CACNB2: variants seen among roughly 807,000 people sequenced by gnomAD.
CACNB2 encodes voltage-dependent L-type calcium channel subunit beta-2.
CACNB2 carries 42 observed loss-of-function variants against 73.3 expected under a neutral mutation model. That is an observed-to-expected ratio of 0.57 (90% CI 0.45 to 0.74). CACNB2 has a LOEUF of 0.74. Among genes scored for constraint, CACNB2 ranks in the 30% least tolerant of loss-of-function variants. CACNB2 has a pLI of 0.00. For synonymous variants in CACNB2, 348 were observed against 310.3 expected (o/e 1.12, Z -1.28); for missense variants, 940 against 853.0 (o/e 1.10, Z -1.27).
chr10:18,163,943 G>C (rs1564308069), intron 2 of CACNB2, among the ~76,000 whole-genome samples: 2 of 152,134 alleles, frequency 1.3e-5, no homozygotes, highest in Admixed American at 6.5e-5. Context: ...TTGTGGGAAG[G>C]GGAAGGGAGT....
At chr10:18,523,688 G>C (rs984021564) in intron 9 of CACNB2, among the ~76,000 whole-genome samples, 1 of 152,142 alleles carries the variant, frequency 6.6e-6, no homozygotes, top group Non-Finnish European at 1.5e-5. Flanking sequence ...TAGAGTAACT[G>C]AATTATTGAC....
At chr10:18,401,862 G>T in intron 2 of CACNB2, 62 bp from the exon 3 acceptor site, 2 of 1,576,360 alleles carry the variant, frequency 1.3e-6, no homozygotes, top group Non-Finnish European at 1.7e-6. Flanking sequence ...GTGTCGATGA[G>T]ACTTTTCCAA....
intron 3 of CACNB2, among the ~76,000 whole-genome samples, chr10:18,434,377 G>A (rs7897101): frequency 0.27 from 40,674 of 151,906 alleles, 6,121 homozygotes; most frequent in Middle Eastern, 0.39. Context: ...AGAGAAACCT[G>A]CCAGTTCTCA....
At chr10:18,288,682 C>CACACACACACACACAA (rs2038910839) in intron 2 of CACNB2, among the ~76,000 whole-genome samples, 1 of 151,320 alleles carries the variant, frequency 6.6e-6, no homozygotes, top group African/African-American at 2.4e-5. Context: ...TTTATACACA[C>CACACACACACACACAA]ACACACACAC....
chr10:18,539,659 G>A lies in CACNB2; in HGVS notation c.1918G>A (p.Glu640Lys), dbSNP rs774309277. 10 of 1,612,948 alleles carry A rather than the reference G, an allele frequency of 6.2e-6. No homozygotes were observed. The highest frequency in any genetic ancestry group is 7.6e-6 in the Non-Finnish European group (9 of 1,179,786). ...SKDRYCEKDGEVISKKRNEAG... is the reference protein window; with the variant it reads ...SKDRYCEKDGKVISKKRNEAG... ...GGATCGCTACTGTGAAAAGGATGGAGAAGTGATATCAAAAAAACGGAATGA... is the reference window on the plus strand; with the variant it reads ...GGATCGCTACTGTGAAAAGGATGGAAAAGTGATATCAAAAAAACGGAATGA... Residue 640 changes from glutamate (E) to lysine (K), a missense_variant, in exon 14 of 14, where the codon GAA (glutamate) becomes AAA (lysine). Physicochemically the swap from Glu to Lys is moderately conservative, Grantham distance 56. Transcript: ENST00000324631.
chr10:18,511,890 G>A lies in CACNB2; in HGVS notation c.671-2346G>A, dbSNP rs571156573. ...TACGGAGGGTTATAGACTCACTTAC[G>A]CAGGAGGAGTAGGTCTGAATCCTGA... On this transcript the variant is annotated intron_variant, in intron 6 of 13. Coordinates refer to ENST00000324631, the MANE Select transcript of CACNB2 (RefSeq NM_201596.3). Among the ~76,000 whole-genome samples the A allele has an allele frequency of 4.6e-5, 7 of 152,250 alleles. 1 individual carries two copies. The South Asian group carries it at 8.3e-4, about 18-fold the overall frequency.
At chr10:18,245,658 A>G (rs1005449092) in intron 2 of CACNB2, among the ~76,000 whole-genome samples, 6 of 152,032 alleles carry the variant, frequency 3.9e-5, no homozygotes, top group African/African-American at 9.7e-5. Context: ...ATTTTTGCCA[A>G]CAGCATCACA....
At chr10:18,475,332 G>A (rs755668522) in intron 3 of CACNB2, among the ~76,000 whole-genome samples, 10 of 152,006 alleles carry the variant, frequency 6.6e-5, no homozygotes, top group Non-Finnish European at 1.2e-4. Flanking sequence ...GTGTTGGGGC[G>A]GAAAGTTCAA....
chr10:18,367,655 T>C lies in CACNB2; in HGVS notation c.214-34269T>C, dbSNP rs548745811. ...GTATTGTTCTCAAGACATAAAATTA[T>C]GTAAAAATTCACATTTATCAATACA... On this transcript the variant is annotated intron_variant, in intron 2 of 13. Transcript: ENST00000324631. 1.2e-3 allele frequency among the ~76,000 whole-genome samples: 184 copies of C among 152,272 alleles called. 2 individuals are homozygous for C. Among genetic ancestry groups the C allele is most frequent in the Non-Finnish European group, 2.6e-4 (18 of 68,004 alleles).
intron 2 of CACNB2, among the ~76,000 whole-genome samples, chr10:18,188,571 A>T (rs975406251): frequency 2.0e-5 from 3 of 151,756 alleles, no homozygotes; most frequent in Admixed American, 1.3e-4. Flanking sequence ...TCCCAAAGTG[A>T]TGGGATTATA....
intron 3 of CACNB2, among the ~76,000 whole-genome samples, chr10:18,415,538 C>T (rs2044903626): frequency 6.6e-6 from 1 of 151,760 alleles, no homozygotes; most frequent in South Asian, 2.1e-4. Context: ...GACCCCAACA[C>T]TGCTGGAGAA....
At chr10:18,530,537 G>C (rs1029860473) in intron 10 of CACNB2, among the ~76,000 whole-genome samples, 25 of 147,936 alleles carry the variant, frequency 1.7e-4, no homozygotes, top group African/African-American at 6.2e-4. Context: ...AAATGCAGTT[G>C]GGCAAACCAA....
chr10:18,405,060 C>A (rs1418336573), intron 3 of CACNB2, among the ~76,000 whole-genome samples: 4 of 152,138 alleles, frequency 2.6e-5, no homozygotes. Context: ...ACCTTAAAGA[C>A]AAGTAATATA....
intron 2 of CACNB2, among the ~76,000 whole-genome samples, chr10:18,317,602 T>TA (rs1290497412): frequency 6.6e-6 from 1 of 152,212 alleles, no homozygotes; most frequent in African/African-American, 2.4e-5. Flanking sequence ...CCTGTGGGTG[T>TA]ATATGTATCA....
At chr10:18,335,437 A>T (rs1323642852) in intron 2 of CACNB2, among the ~76,000 whole-genome samples, 1 of 152,152 alleles carries the variant, frequency 6.6e-6, no homozygotes. Flanking sequence ...AACAACAACA[A>T]AAATAATTAG....
intron 3 of CACNB2, among the ~76,000 whole-genome samples, chr10:18,444,114 A>G (rs2046616179): frequency 6.6e-6 from 1 of 152,182 alleles, no homozygotes; most frequent in South Asian, 2.1e-4. Flanking sequence ...TCGTGTCCCC[A>G]GAATTCAAAT....
intron 2 of CACNB2, among the ~76,000 whole-genome samples, chr10:18,293,323 T>C (rs1026515320): frequency 6.6e-6 from 1 of 152,176 alleles, no homozygotes; most frequent in Non-Finnish European, 1.5e-5. Flanking sequence ...GCCTAACTGG[T>C]GAGTTTCTTT....
At chr10:18,448,142 C>A (rs2046827295) in intron 3 of CACNB2, among the ~76,000 whole-genome samples, 1 of 152,024 alleles carries the variant, frequency 6.6e-6, no homozygotes, top group Non-Finnish European at 1.5e-5. Context: ...TAGGGGTGAG[C>A]CACTGTACCT....
intron 2 of CACNB2, among the ~76,000 whole-genome samples, chr10:18,356,962 T>TTTTTTTTA (rs2041943824): frequency 7.1e-6 from 1 of 141,328 alleles, no homozygotes; most frequent in African/African-American, 2.6e-5. Context: ...TTTTTTTTTT[T>TTTTTTTTA]GAGACGGAGT....
Sources: gnomAD v4.1 joint callset for allele counts (sites outside exome capture counted in the v4.1 genomes callset) on GRCh38, gnomAD v4.1.1 for gene constraint, MANE v1.5 for transcripts, NCBI Gene and HGNC (gene_info 2026-07-23, HGNC 2026-07-21) for gene names.